ABCG8: variants seen among roughly 807,000 people sequenced by gnomAD.
The protein encoded by ABCG8 is ATP binding cassette subfamily G member 8, also known as ATP-binding cassette sub-family G member 8.
Under a neutral mutation model 71.3 loss-of-function variants are expected in ABCG8, and 81 were observed. The observed-to-expected ratio is 1.14, with a 90% confidence interval of 0.95 to 1.37. The LOEUF (loss-of-function observed/expected upper bound fraction) is 1.37. Among genes scored for constraint, ABCG8 ranks in the 40% most tolerant of loss-of-function variants. ABCG8 has a pLI of 0.00. For synonymous variants in ABCG8, 451 were observed against 354.7 expected, an observed-to-expected ratio of 1.27 and a Z score of -3.05; for missense variants, 1,119 against 866.2, an observed-to-expected ratio of 1.29 and a Z score of -3.66.
chr2:43,873,960 A>C lies in ABCG8; in HGVS notation c.1385A>C (p.Asn462Thr), dbSNP rs769333089. 1 of 1,613,998 alleles carries C rather than the reference A, an allele frequency of 6.2e-7. No individual in the cohort carries two copies. Among genetic ancestry groups the C allele is most frequent in the Non-Finnish European group, 8.5e-7 (1 of 1,180,010 alleles). Residue 462 changes from asparagine (N) to threonine (T), a missense_variant, in exon 9 of 13, where the codon AAC becomes ACC. By Grantham distance (65) the Asn-to-Thr change is moderately conservative. Transcript: ENST00000272286. ...LFMIGALIPF[N>T]VILDVISKCY... ...ATGATCGGTGCTCTCATCCCTTTCA[A>C]CGTCATTCTGGATGTCATCTCCAAA...
At chr2:43,855,833 T>G (rs750077553) in intron 6 of ABCG8, among the ~76,000 whole-genome samples, 20 of 152,122 alleles carry the variant, frequency 1.3e-4, no homozygotes, top group Admixed American at 1.3e-4. Flanking sequence ...TGGATAGAAC[T>G]CTCAGTGTAT....
intron 1 of ABCG8, among the ~76,000 whole-genome samples, chr2:43,843,318 G>C (rs909580817): frequency 1.3e-5 from 2 of 152,228 alleles, no homozygotes; most frequent in Non-Finnish European, 2.9e-5. Context: ...GTAGCTTGAG[G>C]AGGAAAGTCT....
At chr2:43,875,863 C>G (rs143720050) in intron 11 of ABCG8, among the ~76,000 whole-genome samples, 1 of 152,136 alleles carries the variant, frequency 6.6e-6, no homozygotes, top group East Asian at 1.9e-4. Flanking sequence ...CCCCTTTGTT[C>G]AAATCTTCCC....
Position 43,881,698 on chromosome 2 carries a change from A to G in ABCG8, c.*3785A>G, listed in dbSNP as rs1384745741. 8.1e-6 allele frequency: 1 copy of G among 124,202 alleles called. No individual in the cohort carries two copies. The highest frequency in any genetic ancestry group is 3.3e-5 in the African/African-American group (1 of 30,510). 7.7% of individuals were successfully genotyped at this position (124,202 alleles called of 1,614,324 possible). ...CACTCCAGCCTGGTGACAGAGCGATACTCTGTCTCAAAAAAAAAAAAAAAA... is the reference window on the plus strand; with the variant it reads ...CACTCCAGCCTGGTGACAGAGCGATGCTCTGTCTCAAAAAAAAAAAAAAAA... On this transcript the variant is annotated 3_prime_UTR_variant, in exon 13 of 13. Transcript: ENST00000272286.
Position 43,838,991 on chromosome 2 carries a change from C to A in ABCG8, c.-63C>A. 1 of 1,501,610 alleles carries A rather than the reference C, an allele frequency of 6.7e-7. No homozygotes were observed. The highest frequency in any genetic ancestry group is 9.1e-7 in the Non-Finnish European group (1 of 1,103,728). The allele number at this position is 1,501,610 out of a possible 1,614,324, so 93.0% of individuals were successfully genotyped here. The stretch of plus-strand genomic sequence containing the variant: ...CCAGGAAACAGAGTGAAGACACTGG[C>A]CCTGGCAGGCAGCAGCTGGGTCTAA... On this transcript the variant is annotated 5_prime_UTR_variant, in exon 1 of 13. Transcript: ENST00000272286. The surrounding 1 kb of genome is among the most constrained non-coding windows in gnomAD (Gnocchi z 4.2).
At chr2:43,870,527 C>G (rs1270738477) in intron 6 of ABCG8, among the ~76,000 whole-genome samples, 1 of 151,716 alleles carries the variant, frequency 6.6e-6, no homozygotes, top group Non-Finnish European at 1.5e-5. Flanking sequence ...AATTCTCACC[C>G]TTTGGATAGA....
At chr2:43,869,277 A>C (rs548853856) in intron 6 of ABCG8, among the ~76,000 whole-genome samples, 1 of 151,318 alleles carries the variant, frequency 6.6e-6, no homozygotes, top group South Asian at 2.1e-4. Context: ...AACTCTCACT[A>C]TCTATCTGGA....
Position 43,878,817 on chromosome 2 carries a change from C to G in ABCG8, c.*904C>G, listed in dbSNP as rs1670043097. The G allele has an allele frequency of 6.6e-6, 1 of 152,318 alleles. No individual in the cohort carries two copies. The highest frequency in any genetic ancestry group is 6.5e-5 in the Admixed American group (1 of 15,290). 9.4% of individuals were successfully genotyped at this position (152,318 alleles called of 1,614,324 possible). ...AATCTCACCTTGAATTGTAATAATCCCCAAGTGTCAAGGGCGGGACCAGAT... is the reference window on the plus strand; with the variant it reads ...AATCTCACCTTGAATTGTAATAATCGCCAAGTGTCAAGGGCGGGACCAGAT... On this transcript the variant is annotated 3_prime_UTR_variant, in exon 13 of 13. Transcript: ENST00000272286.
intron 6 of ABCG8, among the ~76,000 whole-genome samples, chr2:43,870,597 A>G (rs550663152): frequency 3.3e-5 from 5 of 151,340 alleles, no homozygotes; most frequent in African/African-American, 4.9e-5. Flanking sequence ...CACTATCTGG[A>G]TGGAATTCTC....
At chr2:43,851,902 C>T in intron 4 of ABCG8, 80 bp downstream of exon 4, 1 of 1,489,386 alleles carries the variant, frequency 6.7e-7, no homozygotes. Context: ...TGCTGCCTTG[C>T]CTCAGGACCC....
At chr2:43,855,663 T>A (rs941999462) in intron 6 of ABCG8, among the ~76,000 whole-genome samples, 4 of 152,012 alleles carry the variant, frequency 2.6e-5, no homozygotes, top group African/African-American at 9.7e-5. Flanking sequence ...ACCATCAGGA[T>A]AGAACTCTCA....
At chr2:43,875,644 T>A (rs1165653665) in intron 11 of ABCG8, among the ~76,000 whole-genome samples, 1 of 152,180 alleles carries the variant, frequency 6.6e-6, no homozygotes, top group Non-Finnish European at 1.5e-5. Flanking sequence ...CGCCCTTGAC[T>A]GTCTCCCTCC....
At chr2:43,860,606 T>G (rs1669277156) in intron 6 of ABCG8, among the ~76,000 whole-genome samples, 1 of 151,264 alleles carries the variant, frequency 6.6e-6, no homozygotes, top group Admixed American at 6.6e-5. Context: ...TCACTGTCTA[T>G]CTCGATAAAA....
chr2:43,871,506 C>T (rs1286730126), intron 6 of ABCG8, among the ~76,000 whole-genome samples: 2 of 152,236 alleles, frequency 1.3e-5, no homozygotes, highest in East Asian at 1.9e-4. Context: ...ATGGAACGCT[C>T]ACTATCTGGG....
intron 3 of ABCG8, among the ~76,000 whole-genome samples, chr2:43,848,832 A>G (rs1179149511): frequency 1.3e-5 from 2 of 151,792 alleles, no homozygotes; most frequent in African/African-American, 2.4e-5. Flanking sequence ...CCTGGCCAAC[A>G]TGGTGAAACC....
At chr2:43,870,254 T>TATCTGGGTAGAATTCTCACA (rs1213657077) in intron 6 of ABCG8, among the ~76,000 whole-genome samples, 4 of 152,206 alleles carry the variant, frequency 2.6e-5, no homozygotes, top group Non-Finnish European at 4.4e-5. Context: ...GAACTAGCAC[T>TATCTGGGTAGAATTCTCACA]ATCTGGGTAG....
chr2:43,867,757 C>T (rs1287460003), intron 6 of ABCG8, among the ~76,000 whole-genome samples: 1 of 151,380 alleles, frequency 6.6e-6, no homozygotes, highest in Non-Finnish European at 1.5e-5. Flanking sequence ...CTGGATAGAA[C>T]TGTCACTATC....
intron 6 of ABCG8, among the ~76,000 whole-genome samples, chr2:43,870,401 G>A (rs1485674459): frequency 6.6e-6 from 1 of 151,548 alleles, no homozygotes; most frequent in Admixed American, 6.6e-5. Flanking sequence ...TTCTCAGGCT[G>A]TGGATATAAC....
chr2:43,875,030 C>A (rs1047467162), intron 10 of ABCG8, 116 bp from the exon 11 acceptor site: 1 of 1,439,822 alleles, frequency 6.9e-7, no homozygotes, highest in Non-Finnish European at 9.6e-7. Context: ...CCTGCCACAG[C>A]CTCATCATCA....
Sources: allele counts gnomAD v4.1 joint callset (sites outside exome capture counted in the v4.1 genomes callset), GRCh38; gene constraint gnomAD v4.1.1; non-coding constraint Gnocchi (gnomAD v3.1); transcripts MANE v1.5; gene names NCBI Gene and HGNC (gene_info 2026-07-23, HGNC 2026-07-21).